Variants in PIK3AP1 observed in about 807,000 individuals in gnomAD.
The protein encoded by PIK3AP1 is phosphoinositide-3-kinase adaptor protein 1, also known as phosphoinositide 3-kinase adapter protein 1.
PIK3AP1 carries 21 observed loss-of-function variants against 88.1 expected under a neutral mutation model. The ratio of observed to expected loss-of-function variants is 0.24; its 90% confidence interval spans 0.17 to 0.34. The LOEUF (loss-of-function observed/expected upper bound fraction) is 0.34, where lower values mean the gene tolerates loss of function less well. Ranked by LOEUF, PIK3AP1 falls within the 10% of genes least tolerant of loss-of-function variation. The pLI is 1.00. For missense variants in PIK3AP1, 828 were observed against 1,035.7 expected (o/e 0.80, Z 2.75); for synonymous variants, 398 against 400.0 (o/e 1.00, Z 0.06).
chr10:96,679,172 T>C (rs1201294176), intron 2 of PIK3AP1, among the ~76,000 whole-genome samples: 1 of 152,186 alleles, frequency 6.6e-6, no homozygotes, highest in Non-Finnish European at 1.5e-5. Context: ...CAACCTCTAC[T>C]TGAATATTAC....
At chr10:96,705,373 G>A (rs184899062) in intron 2 of PIK3AP1, among the ~76,000 whole-genome samples, 7 of 152,214 alleles carry the variant, frequency 4.6e-5, no homozygotes, top group East Asian at 3.9e-4. Context: ...TTTACAGCAC[G>A]TCTGCAGTAT....
chr10:96,703,187 T>TC (rs1463020713), intron 2 of PIK3AP1, among the ~76,000 whole-genome samples: 1 of 152,148 alleles, frequency 6.6e-6, no homozygotes, highest in Non-Finnish European at 1.5e-5. Context: ...CCTTATTTTT[T>TC]CTTTTAAACT....
intron 2 of PIK3AP1, among the ~76,000 whole-genome samples, chr10:96,696,131 A>G (rs902275531): frequency 2.0e-5 from 3 of 152,198 alleles, no homozygotes; most frequent in Non-Finnish European, 4.4e-5. Flanking sequence ...TAACTCATGA[A>G]TATACTCACT....
chr10:96,681,367 C>A (rs1433091748), intron 2 of PIK3AP1, among the ~76,000 whole-genome samples: 1 of 152,184 alleles, frequency 6.6e-6, no homozygotes, highest in Non-Finnish European at 1.5e-5. Context: ...CACAATTCAT[C>A]CCATAACAAA....
intron 8 of PIK3AP1, among the ~76,000 whole-genome samples, chr10:96,632,296 G>A (rs1045435373): frequency 1.3e-5 from 2 of 152,120 alleles, no homozygotes; most frequent in African/African-American, 4.8e-5. Context: ...CCCTGCCTTT[G>A]GTAATTGTAC....
chr10:96,709,463 C>G, intron 2 of PIK3AP1, 104 bp downstream of exon 2: 1 of 1,387,866 alleles, frequency 7.2e-7, no homozygotes, highest in East Asian at 2.3e-5. Context: ...GACCAGGTCT[C>G]TTAACATAGT....
intron 7 of PIK3AP1, among the ~76,000 whole-genome samples, chr10:96,646,039 C>T (rs1321046162): frequency 2.0e-5 from 3 of 152,182 alleles, no homozygotes; most frequent in African/African-American, 7.2e-5. Flanking sequence ...GCAAGTGGAT[C>T]ACCTGAGGTC....
chr10:96,635,225 G>T (rs1423975737), intron 8 of PIK3AP1, among the ~76,000 whole-genome samples: 2 of 152,142 alleles, frequency 1.3e-5, no homozygotes, highest in East Asian at 3.9e-4. Flanking sequence ...CCAAGCATCA[G>T]GCACAGTCAG....
chr10:96,620,100 T>C, intron 12 of PIK3AP1, among the ~76,000 whole-genome samples: 1 of 152,182 alleles, frequency 6.6e-6, no homozygotes, highest in East Asian at 1.9e-4. Flanking sequence ...GTGTTTGTAG[T>C]TGAGTCTTTG....
At chr10:96,705,884 G>GTTTTTT (rs964917515) in intron 2 of PIK3AP1, among the ~76,000 whole-genome samples, 6 of 60,970 alleles carry the variant, frequency 9.8e-5, no homozygotes, top group South Asian at 5.8e-4. Context: ...CCAGCCAGTT[G>GTTTTTT]TTTTTTTTTT....
At chr10:96,602,605 G>A (rs757117246) in intron 15 of PIK3AP1, among the ~76,000 whole-genome samples, 27 of 152,188 alleles carry the variant, frequency 1.8e-4, no homozygotes, top group Non-Finnish European at 3.8e-4. Context: ...TGGCCCCAAT[G>A]ATCATTAATT....
chr10:96,616,172 G>A (rs973637843), intron 13 of PIK3AP1, among the ~76,000 whole-genome samples: 1 of 152,186 alleles, frequency 6.6e-6, no homozygotes, highest in African/African-American at 2.4e-5. Context: ...TTGCACCATG[G>A]AAGCCCTGCT....
chr10:96,598,566 TAA>T (rs914950250), intron 16 of PIK3AP1, among the ~76,000 whole-genome samples: 1 of 151,950 alleles, frequency 6.6e-6, no homozygotes, highest in Admixed American at 6.6e-5. Context: ...GAAAAAAAAT[TAA>T]AAGTCAAAAA....
intron 8 of PIK3AP1, chr10:96,633,082 C>T (rs1209076328): frequency 6.4e-7 from 1 of 1,564,354 alleles, no homozygotes; most frequent in Non-Finnish European, 8.7e-7. Context: ...CAATTTCTCT[C>T]ATAGCAACTC....
intron 2 of PIK3AP1, among the ~76,000 whole-genome samples, chr10:96,698,190 C>T (rs371504526): frequency 2.6e-5 from 4 of 152,286 alleles, no homozygotes; most frequent in Admixed American, 6.5e-5. Context: ...GCTGTCATTT[C>T]GAGGACAGAA....
intron 2 of PIK3AP1, among the ~76,000 whole-genome samples, chr10:96,657,611 C>T (rs2065941191): frequency 6.6e-6 from 1 of 151,992 alleles, no homozygotes; most frequent in South Asian, 2.1e-4. Flanking sequence ...GGCTCTTAAC[C>T]AGAATCTGTT....
At chr10:96,613,226 T>C (rs1453680954) in intron 13 of PIK3AP1, among the ~76,000 whole-genome samples, 1 of 151,920 alleles carries the variant, frequency 6.6e-6, no homozygotes, top group Admixed American at 6.5e-5. Context: ...CTCGAACTCC[T>C]GGCCTCAAGT....
At chr10:96,676,273 A>G (rs1377112166) in intron 2 of PIK3AP1, among the ~76,000 whole-genome samples, 1 of 149,620 alleles carries the variant, frequency 6.7e-6, no homozygotes, top group Non-Finnish European at 1.5e-5. Context: ...CACCTATCTC[A>G]GGACTCTTTG....
chr10:96,641,392 G>A (rs144457260), intron 8 of PIK3AP1, among the ~76,000 whole-genome samples: 12 of 152,260 alleles, frequency 7.9e-5, no homozygotes, highest in African/African-American at 2.6e-4. Context: ...ATCTGAAAGT[G>A]GCCTAAAGCC....
Sources: allele counts gnomAD v4.1 joint callset (sites outside exome capture counted in the v4.1 genomes callset), GRCh38; gene constraint gnomAD v4.1.1; transcripts MANE v1.5; gene names NCBI Gene and HGNC (gene_info 2026-07-23, HGNC 2026-07-21).